GDE1: variants seen among roughly 807,000 people sequenced by gnomAD.
GDE1 encodes RGS16-interacting membrane protein.
A neutral mutation model predicts 32.2 loss-of-function variants in GDE1; 24 were observed. That is an observed-to-expected ratio of 0.75 (90% CI 0.54 to 1.05). GDE1 has a LOEUF of 1.05. Among genes scored for constraint, GDE1 ranks in the 50% least tolerant of loss-of-function variants. The pLI is 0.00. For synonymous variants in GDE1, 159 were observed against 158.6 expected (o/e 1.00, Z -0.02); for missense variants, 380 against 415.0 (o/e 0.92, Z 0.73).
intron 2 of GDE1, among the ~76,000 whole-genome samples, chr16:19,512,951 GT>G (rs1320336720): frequency 1.3e-5 from 2 of 151,350 alleles, no homozygotes; most frequent in African/African-American, 4.8e-5. Context: ...GTGTGTGTGT[GT>G]GTGTGTGTGT....
intron 2 of GDE1, among the ~76,000 whole-genome samples, chr16:19,513,450 G>A (rs779512723): frequency 7.2e-4 from 110 of 151,868 alleles, no homozygotes; most frequent in Non-Finnish European, 1.4e-3. Context: ...ATTTTTGTAC[G>A]TTGATTTTAT....
intron 2 of GDE1, among the ~76,000 whole-genome samples, chr16:19,516,465 G>A (rs1329446052): frequency 6.6e-6 from 1 of 152,008 alleles, no homozygotes; most frequent in Non-Finnish European, 1.5e-5. Flanking sequence ...CGTGTCACTA[G>A]CCACATATCA....
chr16:19,507,819 A>G, intron 3 of GDE1, 40 bp from the exon 4 acceptor site: 1 of 934,228 alleles, frequency 1.1e-6, no homozygotes, highest in Middle Eastern at 2.3e-4. Flanking sequence ...AATTGATTAA[A>G]ATGTGATAGA....
At chr16:19,518,629 G>GATATGATATGACATGATATGACA (rs1969410767) in intron 1 of GDE1, among the ~76,000 whole-genome samples, 1 of 151,970 alleles carries the variant, frequency 6.6e-6, no homozygotes, top group Non-Finnish European at 1.5e-5. Context: ...TCTTAAAGTT[G>GATATGATATGACATGATATGACA]GTGTATATCA....
chr16:19,520,358 C>T (rs551769045), intron 1 of GDE1, among the ~76,000 whole-genome samples: 2 of 148,112 alleles, frequency 1.4e-5, no homozygotes, highest in East Asian at 2.0e-4. Context: ...GCTGGGGTTG[C>T]GCCGATGCAC....
intron 4 of GDE1, among the ~76,000 whole-genome samples, chr16:19,505,959 A>G (rs770219299): frequency 2.0e-5 from 3 of 152,350 alleles, no homozygotes; most frequent in Middle Eastern, 6.8e-3. Context: ...TATTTCAGCT[A>G]ATGCAAGAAG....
intron 5 of GDE1, chr16:19,504,645 T>C: frequency 2.2e-6 from 1 of 445,232 alleles, no homozygotes; most frequent in Non-Finnish European, 4.0e-6. Flanking sequence ...CACAGGTTCA[T>C]TTTTTTTCTT....
intron 5 of GDE1, 164 bp downstream of exon 5, chr16:19,504,717 C>T (rs1182690054): frequency 1.7e-6 from 1 of 590,964 alleles, no homozygotes; most frequent in East Asian, 2.8e-5. Flanking sequence ...TGAAATATGC[C>T]TGAACTCTTC....
intron 5 of GDE1, 144 bp from the exon 6 acceptor site, chr16:19,503,761 G>T: frequency 3.0e-6 from 2 of 656,816 alleles, no homozygotes; most frequent in Non-Finnish European, 5.3e-6. Flanking sequence ...TGATCAGAGG[G>T]ACTGTTCCAA....
intron 3 of GDE1, among the ~76,000 whole-genome samples, chr16:19,508,234 T>C (rs1418324568): frequency 1.3e-5 from 2 of 152,230 alleles, no homozygotes; most frequent in African/African-American, 2.4e-5. Context: ...AGAGGACGCA[T>C]TACCCATCAC....
chr16:19,521,892 T>C lies in GDE1; in HGVS notation c.73A>G (p.Thr25Ala), dbSNP rs757513332. 1.2e-6 allele frequency: 2 copies of C among 1,600,978 alleles called. No homozygotes were observed. Among genetic ancestry groups the C allele is most frequent in the Non-Finnish European group, 1.7e-6 (2 of 1,174,856 alleles). Reference protein sequence around the residue: ...SFLLLVLLLVTRSPVNACLLT... With the variant: ...SFLLLVLLLVARSPVNACLLT... ...AGGCAGGCATTGACCGGGCTCCGCG[T>C]CACCAGCAGCAGCACTAGCAGCAGG... The change falls in exon 1 of 6, where the codon ACG becomes GCG. Residue 25 changes from threonine to alanine, a missense_variant. Coordinates refer to ENST00000353258, the MANE Select transcript of GDE1 (RefSeq NM_016641.4).
Position 19,503,476 on chromosome 16 carries a change from G to A in GDE1, c.990C>T (p.His330=). Reference sequence around the variant, plus strand: ...TTCGTCCCACCGTGAAAGTCTAGAAGTGAGGTTCGCAGTCTTCTACCATGC... The same window carrying A: ...TTCGTCCCACCGTGAAAGTCTAGAAATGAGGTTCGCAGTCTTCTACCATGC... ...TDSMVEDCEP[H]F Residue 330 remains histidine, a synonymous_variant, in exon 6 of 6, where the codon CAC becomes CAT. Coordinates refer to ENST00000353258, the MANE Select transcript of GDE1 (RefSeq NM_016641.4). The A allele has an allele frequency of 6.2e-7, 1 of 1,613,870 alleles. No homozygotes were observed. The highest frequency in any genetic ancestry group is 1.1e-5 in the South Asian group (1 of 91,054).
chr16:19,521,720 A>C lies in GDE1; in HGVS notation c.245T>G (p.Leu82Arg), dbSNP rs781608081. 1.2e-6 allele frequency: 2 copies of C among 1,612,038 alleles called. No homozygotes were observed. Among genetic ancestry groups the C allele is most frequent in the Non-Finnish European group, 1.7e-6 (2 of 1,179,464 alleles). The change falls in exon 1 of 6, where the codon CTG becomes CGG. Residue 82 changes from leucine to arginine, a missense_variant. Transcript: ENST00000353258. Reference protein sequence around the residue: ...GGSHDAPENTLAAIRQAAKNG... With the variant: ...GGSHDAPENTRAAIRQAAKNG... ...GGGTCTCACCTGCCGAATGGCCGCC[A>C]GCGTGTTCTCGGGCGCGTCGTGGCT...
At position 19,504,982 on chromosome 16, in the gene GDE1, T is replaced by C; in HGVS notation, c.747A>G (p.Ile249Met). 1.9e-6 allele frequency: 3 copies of C among 1,612,960 alleles called. No homozygotes were observed. The highest frequency in any genetic ancestry group is 2.5e-6 in the Non-Finnish European group (3 of 1,178,928). ...CGAGCAAAATGTCCATCATAACAAATATAAAATGTTTCCAGAAAGTATCAT... is the reference window on the plus strand; with the variant it reads ...CGAGCAAAATGTCCATCATAACAAACATAAAATGTTTCCAGAAAGTATCAT... ...PRYDTFWKHF[I>M]FVMMDILLDW... Residue 249 changes from isoleucine to methionine, a missense_variant, in exon 5 of 6, where the codon ATA becomes ATG. Transcript: ENST00000353258.
intron 4 of GDE1, among the ~76,000 whole-genome samples, chr16:19,506,854 C>T (rs763346424): frequency 5.0e-4 from 76 of 152,068 alleles, no homozygotes; most frequent in Non-Finnish European, 9.6e-4. Context: ...CATCACTAGG[C>T]TGGTTACTGT....
At chr16:19,510,318 AC>A (rs1262970578) in intron 3 of GDE1, among the ~76,000 whole-genome samples, 1 of 152,242 alleles carries the variant, frequency 6.6e-6, no homozygotes, top group Non-Finnish European at 1.5e-5. Context: ...AAAAAACTAT[AC>A]ATAAGGGATA....
chr16:19,511,891 C>T (rs1246178018), intron 2 of GDE1, among the ~76,000 whole-genome samples: 1 of 152,080 alleles, frequency 6.6e-6, no homozygotes, highest in African/African-American at 2.4e-5. Context: ...CTGTAAATGA[C>T]AGGATATCAT....
chr16:19,505,394 T>C (rs115352855), intron 4 of GDE1, among the ~76,000 whole-genome samples: 2,690 of 152,282 alleles, frequency 0.018, 90 homozygotes, highest in African/African-American at 0.062. Flanking sequence ...GAGAATAAAC[T>C]TTTAATTGGC....
At position 19,502,168 on chromosome 16, in the gene GDE1, G is replaced by T. The variant is rs942935162; in HGVS notation, c.*1302C>A. 1 of 152,126 alleles carries T rather than the reference G, an allele frequency of 6.6e-6. No homozygotes were observed. Among genetic ancestry groups the T allele is most frequent in the Admixed American group, 6.5e-5 (1 of 15,278 alleles). The allele number at this position is 152,126 out of a possible 1,614,324, so 9.4% of individuals were successfully genotyped here. ...GGTAAGGGTAGTGGCTCTGGGGGCA[G>T]ACTGACCTAGATTTGAATGCCAGTT... is the stretch of plus-strand genomic sequence containing the variant. On this transcript the variant is annotated 3_prime_UTR_variant, in exon 6 of 6. Transcript: ENST00000353258.
Sources: gnomAD v4.1 joint callset for allele counts (sites outside exome capture counted in the v4.1 genomes callset) on GRCh38, gnomAD v4.1.1 for gene constraint, MANE v1.5 for transcripts, NCBI Gene and HGNC (gene_info 2026-07-23, HGNC 2026-07-21) for gene names.